Variants in GALNT17 observed in about 807,000 individuals in gnomAD.
GALNT17 encodes polypeptide N-acetylgalactosaminyltransferase 17, also known as UDP-GalNAc:polypeptide N-acetylgalactosaminyltransferase-like 3.
A neutral mutation model predicts 63.7 loss-of-function variants in GALNT17; 29 were observed. That is an observed-to-expected ratio of 0.46 (90% CI 0.34 to 0.62). The LOEUF (loss-of-function observed/expected upper bound fraction) is 0.62. GALNT17 is among the 20% of genes least tolerant of loss of function. The pLI is 0.01. For missense variants in GALNT17, 603 were observed against 799.6 expected (o/e 0.75, Z 2.97); for synonymous variants, 305 against 318.3 (o/e 0.96, Z 0.45).
At chr7:71,301,462 TA>T (rs1016289265) in intron 1 of GALNT17, among the ~76,000 whole-genome samples, 2 of 148,550 alleles carry the variant, frequency 1.3e-5, no homozygotes, top group Non-Finnish European at 3.0e-5. Context: ...TTAATTATTA[TA>T]AAAAATAATT....
intron 5 of GALNT17, among the ~76,000 whole-genome samples, chr7:71,519,935 TAA>T (rs1349873855): frequency 6.6e-6 from 1 of 152,108 alleles, no homozygotes; most frequent in Non-Finnish European, 1.5e-5. Flanking sequence ...AATAAAATAA[TAA>T]GAGAGAAAGA....
At chr7:71,167,370 GTTTA>G (rs1002331888) in intron 1 of GALNT17, among the ~76,000 whole-genome samples, 13 of 151,980 alleles carry the variant, frequency 8.6e-5, no homozygotes, top group African/African-American at 2.4e-4. Flanking sequence ...ATTTTTATGT[GTTTA>G]TTTGTCATTT....
intron 1 of GALNT17, among the ~76,000 whole-genome samples, chr7:71,213,047 C>T (rs1789411784): frequency 6.6e-6 from 1 of 151,924 alleles, no homozygotes; most frequent in Non-Finnish European, 1.5e-5. Context: ...TTGGAGGGAC[C>T]AGGGGCAGAA....
intron 1 of GALNT17, among the ~76,000 whole-genome samples, chr7:71,273,946 C>T (rs1467959919): frequency 1.3e-5 from 2 of 152,152 alleles, no homozygotes; most frequent in Non-Finnish European, 2.9e-5. Context: ...TTTAGAGACT[C>T]ATTTCAGGGA....
chr7:71,706,496 G>A (rs1227801356), intron 9 of GALNT17, among the ~76,000 whole-genome samples: 1 of 152,134 alleles, frequency 6.6e-6, no homozygotes, highest in East Asian at 1.9e-4. Context: ...CATAATTTCA[G>A]TAAGCAGCTG....
At chr7:71,536,306 C>T (rs1398016333) in intron 5 of GALNT17, among the ~76,000 whole-genome samples, 2 of 152,164 alleles carry the variant, frequency 1.3e-5, no homozygotes, top group East Asian at 3.9e-4. Context: ...GGCTCAGAGA[C>T]CCAGACCCTA....
At chr7:71,457,683 G>C (rs147379479) in intron 5 of GALNT17, among the ~76,000 whole-genome samples, 68 of 152,266 alleles carry the variant, frequency 4.5e-4, no homozygotes, top group African/African-American at 1.5e-3. Flanking sequence ...GAGCATAGCG[G>C]TGAAAATGAC....
intron 9 of GALNT17, among the ~76,000 whole-genome samples, chr7:71,688,448 T>C (rs1181497481): frequency 6.6e-6 from 1 of 152,128 alleles, no homozygotes; most frequent in Non-Finnish European, 1.5e-5. Context: ...TGCTGAGATT[T>C]TCCCCGAGGC....
chr7:71,417,373 C>T (rs560059263), intron 4 of GALNT17, among the ~76,000 whole-genome samples: 2 of 152,318 alleles, frequency 1.3e-5, no homozygotes, highest in African/African-American at 2.4e-5. Flanking sequence ...ATTGCCATCT[C>T]GGCCGCCAAT....
chr7:71,158,034 G>C (rs892701236), intron 1 of GALNT17, among the ~76,000 whole-genome samples: 8 of 151,572 alleles, frequency 5.3e-5, no homozygotes, highest in Non-Finnish European at 1.0e-4. Context: ...CCATTAATGA[G>C]TACTTAGGTT....
intron 6 of GALNT17, among the ~76,000 whole-genome samples, chr7:71,633,518 G>A (rs1054110631): frequency 6.6e-6 from 1 of 152,166 alleles, no homozygotes; most frequent in African/African-American, 2.4e-5. Context: ...GGGAAATGTG[G>A]CCGAGGAAAT....
At chr7:71,204,948 GT>G (rs1431813185) in intron 1 of GALNT17, among the ~76,000 whole-genome samples, 4 of 151,854 alleles carry the variant, frequency 2.6e-5, no homozygotes, top group Admixed American at 2.0e-4. Context: ...GTTTCACCAT[GT>G]TGGCCAGCCT....
chr7:71,156,838 G>C (rs968546164), intron 1 of GALNT17, among the ~76,000 whole-genome samples: 2 of 151,652 alleles, frequency 1.3e-5, no homozygotes, highest in African/African-American at 4.9e-5. Flanking sequence ...TCCTGCCTCA[G>C]CCTCCCAAAG....
At chr7:71,409,990 A>G (rs978603541) in intron 3 of GALNT17, among the ~76,000 whole-genome samples, 5 of 152,216 alleles carry the variant, frequency 3.3e-5, no homozygotes, top group Admixed American at 3.3e-4. Flanking sequence ...CCTTCAGACC[A>G]GCTGATGTCA....
intron 5 of GALNT17, among the ~76,000 whole-genome samples, chr7:71,504,287 C>T (rs886930314): frequency 1.1e-4 from 16 of 151,344 alleles, no homozygotes; most frequent in Non-Finnish European, 2.1e-4. Context: ...CAGCTACTCT[C>T]GGGAGGCTGA....
chr7:71,687,379 C>T (rs74656109), intron 9 of GALNT17, among the ~76,000 whole-genome samples: 3 of 152,290 alleles, frequency 2.0e-5, no homozygotes, highest in East Asian at 3.9e-4. Flanking sequence ...GGGGCTCTGG[C>T]GAGCTATTAG....
chr7:71,633,198 T>A (rs1014888444), intron 6 of GALNT17, among the ~76,000 whole-genome samples: 1 of 148,690 alleles, frequency 6.7e-6, no homozygotes. Flanking sequence ...ACTGGGAAGG[T>A]GTCAGTGAAG....
intron 9 of GALNT17, 68 bp downstream of exon 9, chr7:71,677,374 C>A: frequency 6.9e-7 from 1 of 1,457,154 alleles, no homozygotes; most frequent in Non-Finnish European, 9.4e-7. Context: ...GCCTTGCAGG[C>A]CTTCTGGATA....
At chr7:71,373,928 T>G (rs2116285439) in intron 2 of GALNT17, among the ~76,000 whole-genome samples, 1 of 152,334 alleles carries the variant, frequency 6.6e-6, no homozygotes. Flanking sequence ...CATCTCTGGG[T>G]TTCCTTATAC....
Sources: allele counts gnomAD v4.1 joint callset (sites outside exome capture counted in the v4.1 genomes callset), GRCh38; gene constraint gnomAD v4.1.1; transcripts MANE v1.5; gene names NCBI Gene and HGNC (gene_info 2026-07-23, HGNC 2026-07-21).